Variants in DNAJC5 observed in about 807,000 individuals in gnomAD.
DNAJC5 encodes the protein DnaJ heat shock protein family (Hsp40) member C5, also known as dnaJ homolog subfamily C member 5.
A neutral mutation model predicts 23.2 loss-of-function variants in DNAJC5; 1 was observed. That is an observed-to-expected ratio of 0.04 (90% CI 0.02 to 0.20). DNAJC5 has a LOEUF of 0.20. Ranked by LOEUF, DNAJC5 falls within the 10% of genes least tolerant of loss-of-function variation. DNAJC5 has a pLI of 1.00. For synonymous variants in DNAJC5, 136 were observed against 120.0 expected (o/e 1.13, Z -0.87); for missense variants, 180 against 267.0 (o/e 0.67, Z 2.27).
In DNAJC5 at chr20:63,929,229, T is replaced by C; in HGVS notation, c.108-83T>C. On this transcript the variant is annotated intron_variant, in intron 2 of 4. Transcript: ENST00000360864. The surrounding 1 kb of genome is among the most constrained non-coding windows in gnomAD (Gnocchi z 8.6). ...ACCTGCCTTCCACTGCACCCGGCAG[T>C]GCGTGCGGGTGGGATGGACGCGGCG... 9.4e-6 allele frequency: 14 copies of C among 1,482,066 alleles called. No individual in the cohort carries two copies. Among genetic ancestry groups the C allele is most frequent in the East Asian group, 4.9e-5 (2 of 40,650 alleles). The allele number at this position is 1,482,066 out of a possible 1,614,324, so 91.8% of individuals were successfully genotyped here.
intron 1 of DNAJC5, among the ~76,000 whole-genome samples, chr20:63,926,113 C>A (rs1363694802): frequency 6.6e-6 from 1 of 152,204 alleles, no homozygotes; most frequent in Non-Finnish European, 1.5e-5. Context: ...CAGGCGTGAG[C>A]CACGGCGCCT....
chr20:63,926,098 G>T (rs2053614266), intron 1 of DNAJC5, among the ~76,000 whole-genome samples: 1 of 152,184 alleles, frequency 6.6e-6, no homozygotes, highest in South Asian at 2.1e-4. Context: ...AAAGTGCTGG[G>T]ATTACAGGCG....
At chr20:63,903,510 T>C (rs1037004321) in intron 1 of DNAJC5, among the ~76,000 whole-genome samples, 4 of 151,844 alleles carry the variant, frequency 2.6e-5, no homozygotes, top group African/African-American at 4.8e-5. Flanking sequence ...GGTTTCACCA[T>C]GTTGGCCAGG....
intron 1 of DNAJC5, among the ~76,000 whole-genome samples, chr20:63,911,363 A>G (rs1040862092): frequency 2.0e-5 from 3 of 151,908 alleles, no homozygotes; most frequent in Admixed American, 2.0e-4. Context: ...TAACTTTGTG[A>G]CTCACGAGGG....
chr20:63,895,528 C>T (rs2053368652), intron 1 of DNAJC5, among the ~76,000 whole-genome samples: 1 of 146,086 alleles, frequency 6.8e-6, no homozygotes, highest in Admixed American at 6.8e-5. Context: ...AGGTCGGCGC[C>T]GGGGCCTGCG....
chr20:63,929,598 G>T lies in DNAJC5; in HGVS notation c.321+73G>T. On this transcript the variant is annotated intron_variant, in intron 3 of 4. Coordinates refer to ENST00000360864, the MANE Select transcript of DNAJC5 (RefSeq NM_025219.3). The surrounding 1 kb of genome is among the most constrained non-coding windows in gnomAD (Gnocchi z 8.6). ...TGCGGGCACCCGAGTCTCTCCTGCC[G>T]TGCGGGCACCCGAGTCACTCCTGCC... 2 of 1,342,816 alleles carry T rather than the reference G, an allele frequency of 1.5e-6. No homozygotes were observed. The highest frequency in any genetic ancestry group is 2.5e-5 in the South Asian group (2 of 81,450). The allele number at this position is 1,342,816 out of a possible 1,614,324, so 83.2% of individuals were successfully genotyped here.
chr20:63,923,813 C>G (rs770122360), intron 1 of DNAJC5, among the ~76,000 whole-genome samples: 1 of 152,166 alleles, frequency 6.6e-6, no homozygotes, highest in African/African-American at 2.4e-5. Context: ...GAAAATCTGC[C>G]AAGTCCATCC....
intron 1 of DNAJC5, among the ~76,000 whole-genome samples, chr20:63,916,511 C>A (rs1364199850): frequency 6.6e-6 from 1 of 152,152 alleles, no homozygotes; most frequent in African/African-American, 2.4e-5. Context: ...AAAAGGAGAA[C>A]AAAGATCACA....
chr20:63,927,543 C>G (rs568900675), intron 1 of DNAJC5, among the ~76,000 whole-genome samples: 32 of 146,706 alleles, frequency 2.2e-4, no homozygotes, highest in African/African-American at 5.2e-4. Flanking sequence ...TGTCCCCCCC[C>G]CCAAAAAAGA....
Position 63,935,886 on chromosome 20 carries a change from C to G in DNAJC5, c.*4318C>G, listed in dbSNP as rs2053713449. 1 of 152,262 alleles carries G rather than the reference C, an allele frequency of 6.6e-6. No homozygotes were observed. Among genetic ancestry groups the G allele is most frequent in the East Asian group, 1.9e-4 (1 of 5,202 alleles). The allele number at this position is 152,262 out of a possible 1,614,324, so 9.4% of individuals were successfully genotyped here. On this transcript the variant is annotated 3_prime_UTR_variant, in exon 5 of 5. Transcript: ENST00000360864. ...ATCCGACCGTGTTGGGGTGCAGGCG[C>G]TGTCAGACTCCGGCTGATCCTGGCT... is the stretch of plus-strand genomic sequence containing the variant.
In DNAJC5 at chr20:63,930,846, C is replaced by T. The variant is rs373568941; in HGVS notation, c.322-5C>T. ...CCATGCAACACCACCTTCTTCTCCC[C>T]CCAGGCCCTGTTTGTCTTCTGCGGC... On this transcript the variant is annotated splice_region_variant and splice_polypyrimidine_tract_variant and intron_variant, in intron 3 of 4. Coordinates refer to ENST00000360864, the MANE Select transcript of DNAJC5 (RefSeq NM_025219.3). The T allele has an allele frequency of 6.2e-7, 1 of 1,612,416 alleles. No individual in the cohort carries two copies. The highest frequency in any genetic ancestry group is 8.5e-7 in the Non-Finnish European group (1 of 1,179,930).
chr20:63,901,006 C>T (rs183874172), intron 1 of DNAJC5, among the ~76,000 whole-genome samples: 3 of 152,332 alleles, frequency 2.0e-5, no homozygotes, highest in Non-Finnish European at 4.4e-5. Context: ...GCTCTGTCAT[C>T]CAGGCTGGAG....
rs1278665692 is a variant in DNAJC5, at chr20:63,935,879, G to C, written c.*4311G>C. 1 of 152,244 alleles carries C rather than the reference G, an allele frequency of 6.6e-6. No homozygotes were observed. The highest frequency in any genetic ancestry group is 2.4e-5 in the African/African-American group (1 of 41,464). 9.4% of individuals were successfully genotyped at this position (152,244 alleles called of 1,614,324 possible). On this transcript the variant is annotated 3_prime_UTR_variant, in exon 5 of 5. Coordinates refer to ENST00000360864, the MANE Select transcript of DNAJC5 (RefSeq NM_025219.3). ...TCCTGGAATCCGACCGTGTTGGGGT[G>C]CAGGCGCTGTCAGACTCCGGCTGAT...
intron 1 of DNAJC5, among the ~76,000 whole-genome samples, chr20:63,899,836 C>G (rs911871321): frequency 6.6e-6 from 1 of 150,500 alleles, no homozygotes; most frequent in Non-Finnish European, 1.5e-5. Flanking sequence ...CCATCTTGGC[C>G]TCCCAAAGTG....
chr20:63,917,984 C>T (rs1247584795), intron 1 of DNAJC5, among the ~76,000 whole-genome samples: 1 of 152,204 alleles, frequency 6.6e-6, no homozygotes, highest in Non-Finnish European at 1.5e-5. Flanking sequence ...CTGTGCTGCT[C>T]ACGGTAGCTG....
chr20:63,902,984 G>A (rs1341867743), intron 1 of DNAJC5, among the ~76,000 whole-genome samples: 1 of 151,642 alleles, frequency 6.6e-6, no homozygotes, highest in Non-Finnish European at 1.5e-5. Context: ...GCCACATCCT[G>A]TTTTTTTTAC....
chr20:63,909,874 G>A (rs1368736099), intron 1 of DNAJC5, among the ~76,000 whole-genome samples: 1 of 152,254 alleles, frequency 6.6e-6, no homozygotes, highest in East Asian at 1.9e-4. Flanking sequence ...GAATCCTGCG[G>A]ATTTAGTATT....
At chr20:63,902,381 T>C (rs1442638530) in intron 1 of DNAJC5, among the ~76,000 whole-genome samples, 1 of 115,562 alleles carries the variant, frequency 8.7e-6, no homozygotes, top group Non-Finnish European at 1.7e-5. Context: ...TTTTTTTTTT[T>C]TGAGACGGAG....
At chr20:63,910,911 C>T (rs1039651526) in intron 1 of DNAJC5, among the ~76,000 whole-genome samples, 3 of 152,088 alleles carry the variant, frequency 2.0e-5, no homozygotes, top group South Asian at 2.1e-4. Context: ...CCTCATGATC[C>T]GCCTGCCTTG....
Sources: allele counts gnomAD v4.1 joint callset (sites outside exome capture counted in the v4.1 genomes callset), GRCh38; gene constraint gnomAD v4.1.1; non-coding constraint Gnocchi (gnomAD v3.1); transcripts MANE v1.5; gene names NCBI Gene and HGNC (gene_info 2026-07-23, HGNC 2026-07-21).